UBOX5: variants seen among roughly 807,000 people sequenced by gnomAD.
UBOX5 encodes U-box domain containing 5.
In UBOX5, 28 loss-of-function variants were observed where a neutral mutation model predicts 39.0. The ratio of observed to expected loss-of-function variants is 0.72; its 90% CI spans 0.53 to 0.98. The LOEUF is 0.98. Among genes scored for constraint, UBOX5 ranks in the 50% least tolerant of loss-of-function variants. The pLI is 0.00. For synonymous variants in UBOX5, 283 were observed against 275.5 expected (o/e 1.03, Z -0.27); for missense variants, 585 against 674.4 (o/e 0.87, Z 1.47).
chr20:3,110,537 A>G (rs1051999264), intron 4 of UBOX5: 20 of 572,724 alleles, frequency 3.5e-5, no homozygotes, highest in Admixed American at 1.2e-4. Context: ...CAGTGCCTCT[A>G]CGAATGCTTG....
intron 1 of UBOX5, among the ~76,000 whole-genome samples, chr20:3,144,723 T>C (rs2066545341): frequency 6.6e-6 from 1 of 152,224 alleles, no homozygotes; most frequent in Non-Finnish European, 1.5e-5. Flanking sequence ...CTGTATTATG[T>C]TACTTATATA....
intron 4 of UBOX5, among the ~76,000 whole-genome samples, chr20:3,113,528 T>C (rs565705628): frequency 6.6e-6 from 1 of 151,722 alleles, no homozygotes; most frequent in South Asian, 2.1e-4. Flanking sequence ...AAGGCGAGGA[T>C]GGGGGGATAC....
intron 1 of UBOX5, among the ~76,000 whole-genome samples, chr20:3,132,253 T>C (rs1313816425): frequency 1.3e-5 from 2 of 152,070 alleles, no homozygotes; most frequent in East Asian, 3.9e-4. Context: ...GAGGCTGCAG[T>C]AAGCCGAGAT....
chr20:3,115,630 G>C (rs550431957), intron 3 of UBOX5, among the ~76,000 whole-genome samples, 164 bp from the exon 4 acceptor site: 23 of 152,272 alleles, frequency 1.5e-4, no homozygotes, highest in African/African-American at 5.5e-4. Flanking sequence ...AACACCGGGA[G>C]GTAAAGCCCT....
chr20:3,123,550 A>C (rs2066354198), intron 1 of UBOX5, 144 bp from the exon 2 acceptor site: 2 of 595,596 alleles, frequency 3.4e-6, no homozygotes, highest in South Asian at 4.2e-5. Flanking sequence ...CTTTCCTTAT[A>C]TCCTATACAT....
rs2066674979 is a variant in UBOX5, at chr20:3,155,525, C to T, written c.-42+4241G>A. On this transcript the variant is annotated intron_variant, in intron 1 of 4. Transcript: ENST00000217173. ...CAGTCTGGGCAACAGAGCGAAACTC[C>T]ATCTCAAAAAAAAAAAGTGGGTCGG... Among the ~76,000 whole-genome samples, 3 of 151,010 alleles carry T rather than the reference C, an allele frequency of 2.0e-5. No homozygotes were observed. The South Asian group carries it at 6.3e-4, about 31-fold the overall frequency.
intron 1 of UBOX5, chr20:3,148,616 CTGACTT>C: frequency 6.2e-7 from 1 of 1,614,164 alleles, no homozygotes; most frequent in East Asian, 2.2e-5. Context: ...TTGATTAACT[CTGACTT>C]TGTGCAAAAT....
At chr20:3,121,077 A>G (rs2066331307) in intron 3 of UBOX5, among the ~76,000 whole-genome samples, 1 of 152,190 alleles carries the variant, frequency 6.6e-6, no homozygotes, top group Non-Finnish European at 1.5e-5. Context: ...GCCAGGGCAC[A>G]TAAAGGGACC....
chr20:3,139,607 G>C (rs1272730332), intron 1 of UBOX5, among the ~76,000 whole-genome samples: 1 of 151,570 alleles, frequency 6.6e-6, no homozygotes, highest in Non-Finnish European at 1.5e-5. Flanking sequence ...TGCCAGCCTG[G>C]TCTTAAACTC....
At chr20:3,125,806 C>A (rs570171444) in intron 1 of UBOX5, among the ~76,000 whole-genome samples, 1 of 149,352 alleles carries the variant, frequency 6.7e-6, no homozygotes, top group South Asian at 2.1e-4. Flanking sequence ...GCCGCCACCC[C>A]GTCTGGGAAG....
At chr20:3,122,843 G>A (rs2066349277) in intron 2 of UBOX5, among the ~76,000 whole-genome samples, 1 of 152,112 alleles carries the variant, frequency 6.6e-6, no homozygotes, top group Non-Finnish European at 1.5e-5. Context: ...CAGCTACTCA[G>A]GAGGCTGAGG....
At chr20:3,154,287 C>T (rs189139703) in intron 1 of UBOX5, among the ~76,000 whole-genome samples, 2 of 152,200 alleles carry the variant, frequency 1.3e-5, no homozygotes, top group South Asian at 2.1e-4. Context: ...CCGGATAATC[C>T]GGGCATGAAC....
intron 1 of UBOX5, chr20:3,148,090 T>C (rs2066587005): frequency 6.2e-7 from 1 of 1,614,110 alleles, no homozygotes; most frequent in Non-Finnish European, 8.5e-7. Flanking sequence ...TAGTACTTGA[T>C]TTAAAGAACC....
At chr20:3,123,482 G>T in intron 1 of UBOX5, 76 bp from the exon 2 acceptor site, 1 of 1,075,536 alleles carries the variant, frequency 9.3e-7, no homozygotes, top group Non-Finnish European at 1.4e-6. Context: ...ATTCTTAAGA[G>T]AATCAAACAG....
At chr20:3,140,482 C>T (rs906974401) in intron 1 of UBOX5, among the ~76,000 whole-genome samples, 5 of 152,120 alleles carry the variant, frequency 3.3e-5, no homozygotes, top group Admixed American at 6.5e-5. Context: ...CTACGGGAAC[C>T]CAGGTGAGGT....
At chr20:3,137,622 T>C (rs577925119) in intron 1 of UBOX5, among the ~76,000 whole-genome samples, 4 of 152,344 alleles carry the variant, frequency 2.6e-5, no homozygotes, top group Admixed American at 2.6e-4. Context: ...CTGATACTGG[T>C]AATGATTCAC....
intron 1 of UBOX5, among the ~76,000 whole-genome samples, chr20:3,127,678 T>C (rs927248046): frequency 2.0e-5 from 3 of 152,198 alleles, no homozygotes; most frequent in Non-Finnish European, 4.4e-5. Flanking sequence ...TTCTGAATAC[T>C]TCTTTATGCC....
chr20:3,131,027 C>G (rs1376755729), intron 1 of UBOX5, among the ~76,000 whole-genome samples: 1 of 151,954 alleles, frequency 6.6e-6, no homozygotes. Flanking sequence ...GTCAGGAGTT[C>G]AAGACCAGCC....
In UBOX5 at chr20:3,115,311, C is replaced by T. The variant is rs753709017; in HGVS notation, c.1411G>A (p.Gly471Ser). Residue 471 changes from glycine (G) to serine (S), a missense_variant, in exon 4 of 5, where the codon GGC becomes AGC. Gly to Ser is a moderately conservative substitution (Grantham distance 56). Coordinates refer to ENST00000217173, the MANE Select transcript of UBOX5 (RefSeq NM_014948.4). ...ATGGCGGGGCCCATGTTACCCGAGCCGGTGCCAGGCCTCCAGGAAGTGTTG... is the reference window on the plus strand; with the variant it reads ...ATGGCGGGGCCCATGTTACCCGAGCTGGTGCCAGGCCTCCAGGAAGTGTTG... ...GSNTSWRPGT[G>S]SEQPGSILGP... The T allele has an allele frequency of 7.4e-6, 12 of 1,610,738 alleles. No individual in the cohort carries two copies. Among genetic ancestry groups the T allele is most frequent in the African/African-American group, 2.7e-5 (2 of 74,840 alleles).
Sources: gnomAD v4.1 joint callset for allele counts (sites outside exome capture counted in the v4.1 genomes callset) on GRCh38, gnomAD v4.1.1 for gene constraint, MANE v1.5 for transcripts, NCBI Gene and HGNC (gene_info 2026-07-23, HGNC 2026-07-21) for gene names.